The following HK3 variants were observed in gnomAD, a reference collection of about 807,000 sequenced individuals.
HK3 encodes the protein hexokinase-3.
A neutral mutation model predicts 91.0 loss-of-function variants in HK3; 93 were observed. That is an observed-to-expected ratio of 1.02 (90% CI 0.86 to 1.21). The LOEUF (loss-of-function observed/expected upper bound fraction) is 1.21. HK3 is among the 50% of genes most tolerant of loss of function. The pLI is 0.00. For synonymous variants in HK3, 519 were observed against 516.9 expected (o/e 1.00, Z -0.06); for missense variants, 1,235 against 1,247.4 (o/e 0.99, Z 0.15).
chr5:176,883,927 A>G (rs1389027186), intron 14 of HK3, 58 bp from the exon 15 acceptor site: 43 of 1,592,544 alleles, frequency 2.7e-5, no homozygotes, highest in Non-Finnish European at 3.7e-5. Flanking sequence ...AGCAACCAGC[A>G]CTGGACCCAG....
Position 176,894,546 on chromosome 5 carries a change from G to A in HK3, c.96+1518C>T, listed in dbSNP as rs1758859263. On this transcript the variant is annotated intron_variant, in intron 2 of 18. Coordinates refer to ENST00000292432, the MANE Select transcript of HK3 (RefSeq NM_002115.3). ...CAGGCACTGTGGCCCAGCCACCGCT[G>A]TCACTCCTGAGGCACGGCTGTGGGT... Among the ~76,000 whole-genome samples the A allele has an allele frequency of 2.0e-5, 3 of 152,180 alleles. No individual in the cohort carries two copies. The South Asian group carries it at 6.2e-4, about 31-fold the overall frequency.
At chr5:176,882,668 G>C (rs972299453) in intron 15 of HK3, among the ~76,000 whole-genome samples, 5 of 152,350 alleles carry the variant, frequency 3.3e-5, no homozygotes, top group Admixed American at 2.0e-4. Context: ...AGACCACGGG[G>C]CGAGTCTCTG....
At chr5:176,896,311 C>G in intron 1 of HK3, 126 bp from the exon 2 acceptor site, 1 of 488,038 alleles carries the variant, frequency 2.0e-6, no homozygotes, top group East Asian at 3.5e-5. Context: ...AATTCAGAAC[C>G]TCCAACCATC....
chr5:176,888,906 C>A, intron 8 of HK3, 42 bp from the exon 9 acceptor site: 1 of 1,595,694 alleles, frequency 6.3e-7, no homozygotes, highest in Non-Finnish European at 8.5e-7. Context: ...TTTTCTAAGC[C>A]CTCAGTCCAC....
In HK3 at chr5:176,889,496, G is replaced by A. The variant is rs147916840; in HGVS notation, c.799C>T (p.Arg267Cys). Residue 267 changes from arginine (R) to cysteine (C), a missense_variant, in exon 8 of 19, where the codon CGC becomes TGC. Arg to Cys is a radical substitution (Grantham distance 180). Transcript: ENST00000292432. The part of the protein sequence containing the change: ...HVAVLDEDRG[R>C]VCVSVEWGSF... Reference sequence around the variant, plus strand: ...CCCCACTCGACGCTGACGCAGACGCGGCCCCGGTCTTCGTCCAGCACTGCC... The same window carrying A: ...CCCCACTCGACGCTGACGCAGACGCAGCCCCGGTCTTCGTCCAGCACTGCC... The A allele has an allele frequency of 1.3e-4, 217 of 1,614,142 alleles. No homozygotes were observed. Among genetic ancestry groups the A allele is most frequent in the African/African-American group, 5.5e-4 (41 of 75,050 alleles).
At position 176,889,495 on chromosome 5, in the gene HK3, C is replaced by T. The variant is rs545419310; in HGVS notation, c.800G>A (p.Arg267His). 31 of 1,614,166 alleles carry T rather than the reference C, an allele frequency of 1.9e-5. 1 individual carries two copies. The highest frequency in any genetic ancestry group is 1.3e-4 in the Admixed American group (8 of 60,032). Residue 267 changes from arginine to histidine, a missense_variant, in exon 8 of 19, where the codon CGC (arginine) becomes CAC (histidine). Arg to His is a conservative substitution (Grantham distance 29). Transcript: ENST00000292432. ...HVAVLDEDRG[R>H]VCVSVEWGSF... ...GCCCCACTCGACGCTGACGCAGACGCGGCCCCGGTCTTCGTCCAGCACTGC... is the reference window on the plus strand; with the variant it reads ...GCCCCACTCGACGCTGACGCAGACGTGGCCCCGGTCTTCGTCCAGCACTGC...
At chr5:176,886,020 T>C (rs1758576638) in intron 13 of HK3, among the ~76,000 whole-genome samples, 1 of 151,968 alleles carries the variant, frequency 6.6e-6, no homozygotes, top group South Asian at 2.1e-4. Flanking sequence ...GCGGATCACC[T>C]GAGATCAGGA....
chr5:176,889,695 A>T lies in HK3; in HGVS notation c.680T>A (p.Met227Lys). The T allele has an allele frequency of 6.2e-7, 1 of 1,614,094 alleles. No individual in the cohort carries two copies. Among genetic ancestry groups the T allele is most frequent in the Non-Finnish European group, 8.5e-7 (1 of 1,179,998 alleles). Reference sequence around the variant, plus strand: ...CCTGACCCCCGGCTCACAGCCCATCATGGTGCCCACTGTGTCGTTCACCAC... The same window carrying T: ...CCTGACCCCCGGCTCACAGCCCATCTTGGTGCCCACTGTGTCGTTCACCAC... ...VAVVNDTVGT[M>K]MGCEPGVRPC... Residue 227 changes from methionine to lysine, a missense_variant, in exon 7 of 19, where the codon ATG becomes AAG. Met to Lys is a moderately conservative substitution (Grantham distance 95). Transcript: ENST00000292432.
intron 13 of HK3, among the ~76,000 whole-genome samples, chr5:176,885,197 A>G (rs2149374077): frequency 6.6e-6 from 1 of 152,328 alleles, no homozygotes; most frequent in Non-Finnish European, 1.5e-5. Context: ...ATCTGAGAAC[A>G]GAGGAGGCCT....
rs755319069 is a variant in HK3, at chr5:176,890,635, C to A, written c.630G>T (p.Gly210=). ...QLLRDAIRRQ[G]AYNIDVVAVV... Reference sequence around the variant, plus strand: ...TCCTGTCACCCCTCCCTCCACTCACCCCCTGCCTCCGAATGGCATCTCTCA... The same window carrying A: ...TCCTGTCACCCCTCCCTCCACTCACACCCTGCCTCCGAATGGCATCTCTCA... Residue 210 remains glycine (G), a splice_region_variant and synonymous_variant, in exon 6 of 19, where the codon GGG becomes GGT. Coordinates refer to ENST00000292432, the MANE Select transcript of HK3 (RefSeq NM_002115.3). 4 of 1,613,866 alleles carry A rather than the reference C, an allele frequency of 2.5e-6. No individual in the cohort carries two copies. The highest frequency in any genetic ancestry group is 3.4e-6 in the Non-Finnish European group (4 of 1,179,740).
chr5:176,896,308 A>ATCT, intron 1 of HK3, 123 bp from the exon 2 acceptor site: 2 of 491,266 alleles, frequency 4.1e-6, no homozygotes, highest in Non-Finnish European at 7.3e-6. Context: ...CAGAATTCAG[A>ATCT]ACCTCCAACC....
intron 8 of HK3, 25 bp from the exon 9 acceptor site, chr5:176,888,889 G>A: frequency 3.1e-6 from 5 of 1,606,196 alleles, no homozygotes; most frequent in Non-Finnish European, 3.4e-6. Context: ...GGTGGCTGGA[G>A]GAAGCCTTTT....
chr5:176,881,375 G>A lies in HK3; in HGVS notation c.2554C>T (p.Arg852Trp), dbSNP rs755391790. 1.2e-4 allele frequency: 188 copies of A among 1,613,748 alleles called. No homozygotes were observed. The highest frequency in any genetic ancestry group is 1.6e-4 in the Middle Eastern group (1 of 6,084). Reference protein sequence around the residue: ...AGVAAVVEKIRENRGLEELAV... With the variant: ...AGVAAVVEKIWENRGLEELAV... ...AGCTCTTCCAGGCCCCGGTTCTCCC[G>A]GATCTTCTCCACCACGGCAGCTACA... The change falls in exon 18 of 19, where the codon CGG becomes TGG. Residue 852 changes from arginine (R) to tryptophan (W), a missense_variant. Around this residue, in one of 3 missense-constraint regions of HK3, gnomAD observed 513 missense variants for 477.4 expected, o/e 1.07. Coordinates refer to ENST00000292432, the MANE Select transcript of HK3 (RefSeq NM_002115.3).
intron 1 of HK3, among the ~76,000 whole-genome samples, chr5:176,898,872 C>G (rs534238049): frequency 1.6e-4 from 24 of 152,300 alleles, no homozygotes; most frequent in African/African-American, 5.5e-4. Flanking sequence ...GTGGCTTGCA[C>G]CTGTAATCCC....
At position 176,887,639 on chromosome 5, in the gene HK3, G is replaced by T. The variant is rs768615875; in HGVS notation, c.1412C>A (p.Ala471Asp). The T allele has an allele frequency of 1.2e-6, 2 of 1,613,750 alleles. No homozygotes were observed. Among genetic ancestry groups the T allele is most frequent in the African/African-American group, 1.3e-5 (1 of 75,064 alleles). The change falls in exon 11 of 19, where the codon GCC (alanine) becomes GAC (aspartate). Residue 471 changes from alanine (A) to aspartate (D), a missense_variant. Around this residue, in one of 3 missense-constraint regions of HK3, gnomAD observed 717 missense variants for 751.6 expected, o/e 0.95. Coordinates refer to ENST00000292432, the MANE Select transcript of HK3 (RefSeq NM_002115.3). This position sits in a 1 kb window ranked among gnomAD's most constrained non-coding sequence, Gnocchi z 4.9. ...GGGRGVAMVTAVAARLAAHRR... is the reference protein window; with the variant it reads ...GGGRGVAMVTDVAARLAAHRR... The stretch of plus-strand genomic sequence containing the variant: ...GTGGGCAGCCAGACGGGCAGCCACG[G>T]CAGTCACCATCGCCACTCCCCGGCC...
intron 10 of HK3, 48 bp downstream of exon 10, chr5:176,888,284 C>CA: frequency 1.4e-6 from 2 of 1,471,026 alleles, no homozygotes; most frequent in Non-Finnish European, 1.9e-6. Flanking sequence ...GTGTATCACA[C>CA]ACACGTGTTC....
At position 176,881,349 on chromosome 5, in the gene HK3, C is replaced by A. The variant is rs1479385330; in HGVS notation, c.2580G>T (p.Leu860=). 9 of 1,614,082 alleles carry A rather than the reference C, an allele frequency of 5.6e-6. No homozygotes were observed. The highest frequency in any genetic ancestry group is 7.6e-6 in the Non-Finnish European group (9 of 1,180,032). Residue 860 remains leucine (L), a synonymous_variant, in exon 18 of 19, where the codon CTG becomes CTT. Coordinates refer to ENST00000292432, the MANE Select transcript of HK3 (RefSeq NM_002115.3). ...KIRENRGLEE[L]AVSVGVDGTL... is the part of the protein sequence containing the mutation. ...TTCCATCCACCCCCACAGACACTGCCAGCTCTTCCAGGCCCCGGTTCTCCC... is the reference window on the plus strand; with the variant it reads ...TTCCATCCACCCCCACAGACACTGCAAGCTCTTCCAGGCCCCGGTTCTCCC...
At chr5:176,897,715 A>G (rs925821338) in intron 1 of HK3, among the ~76,000 whole-genome samples, 2 of 152,136 alleles carry the variant, frequency 1.3e-5, no homozygotes, top group Non-Finnish European at 2.9e-5. Context: ...CGTAGTCTTC[A>G]TCAGTAATTT....
At chr5:176,891,346 C>T (rs1758767408) in intron 3 of HK3, 42 bp downstream of exon 3, 1 of 1,608,902 alleles carries the variant, frequency 6.2e-7, no homozygotes, top group African/African-American at 1.3e-5. Context: ...GATCAGTACC[C>T]TCTTCCAGGC....
Sources: allele counts gnomAD v4.1 joint callset (sites outside exome capture counted in the v4.1 genomes callset), GRCh38; gene constraint gnomAD v4.1.1; regional missense constraint gnomAD v4.1.1; non-coding constraint Gnocchi (gnomAD v3.1); transcripts MANE v1.5; gene names NCBI Gene and HGNC (gene_info 2026-07-23, HGNC 2026-07-21).